Variants in HMCN1 observed in about 807,000 individuals in gnomAD.
HMCN1 encodes hemicentin-1.
Under a neutral mutation model 625.9 loss-of-function variants are expected in HMCN1, and 321 were observed. That is an observed-to-expected ratio of 0.51 (90% CI 0.47 to 0.56). The LOEUF is 0.56. Among genes scored for constraint, HMCN1 ranks in the 20% least tolerant of loss-of-function variants. The pLI, the probability that HMCN1 is intolerant of heterozygous loss-of-function variation, is 0.00. For synonymous variants in HMCN1, 2,425 were observed against 2,417.6 expected (o/e 1.00, Z -0.09); for missense variants, 6,588 against 6,887.3 (o/e 0.96, Z 1.54).
At chr1:186,009,801 G>C (rs1460327232) in intron 30 of HMCN1, among the ~76,000 whole-genome samples, 3 of 152,140 alleles carry the variant, frequency 2.0e-5, no homozygotes, top group Admixed American at 2.0e-4. Context: ...AGATTTACTA[G>C]TAGTTCTGAG....
At chr1:186,053,492 C>G (rs373035718) in intron 43 of HMCN1, among the ~76,000 whole-genome samples, 8 of 151,830 alleles carry the variant, frequency 5.3e-5, no homozygotes, top group East Asian at 1.9e-4. Flanking sequence ...ACTTGTGCCT[C>G]CTGAATATAA....
Position 185,965,829 on chromosome 1 carries a change from G to A in HMCN1, c.2126G>A (p.Ser709Asn), listed in dbSNP as rs886045665. 6.8e-6 allele frequency: 11 copies of A among 1,611,876 alleles called. No individual in the cohort carries two copies. Among genetic ancestry groups the A allele is most frequent in the Non-Finnish European group, 9.3e-6 (11 of 1,178,160 alleles). The change falls in exon 14 of 107, where the codon AGT becomes AAT. Residue 709 changes from serine to asparagine, a missense_variant. Physicochemically the swap from Ser to Asn is conservative, Grantham distance 46 (BLOSUM62 1). This residue lies in a region of HMCN1 where 4,628 missense variants were observed against 4,853.1 expected (regional missense o/e 0.95). Transcript: ENST00000271588. Reference protein sequence around the residue: ...IEAPKLMVVQSELLVALGDIT... With the variant: ...IEAPKLMVVQNELLVALGDIT... Reference sequence around the variant, plus strand: ...GCCCCTAAGTTGATGGTAGTTCAGAGTGAGCTCTTGGTTGCCCTTGGGGAT... The same window carrying A: ...GCCCCTAAGTTGATGGTAGTTCAGAATGAGCTCTTGGTTGCCCTTGGGGAT...
Position 185,911,756 on chromosome 1 carries a change from A to G in HMCN1, c.876A>G (p.Pro292=), listed in dbSNP as rs1386728486. The change falls in exon 6 of 107, where the codon CCA becomes CCG. Residue 292 remains proline (P), a synonymous_variant. Transcript: ENST00000271588. ...CCAAAGTAGTGAATGTGAAAGAGCC[A>G]GAGGCTGGAATGTGGACAGTGAAGG... ...NSAKVVNVKE[P]EAGMWTVKTS... is the part of the protein sequence containing the mutation. The G allele has an allele frequency of 1.9e-6, 3 of 1,612,612 alleles. No homozygotes were observed. The East Asian group carries it at 6.7e-5, about 36-fold the overall frequency.
At chr1:185,905,611 T>C (rs16824719) in intron 4 of HMCN1, among the ~76,000 whole-genome samples, 9,635 of 151,840 alleles carry the variant, frequency 0.063, 1,070 homozygotes, top group African/African-American at 0.22. Flanking sequence ...ATGTAAAAAT[T>C]GACTTCACTT....
In HMCN1 at chr1:185,867,103, G is replaced by A. The variant is rs761496952; in HGVS notation, c.621+1240G>A. 3.3e-5 allele frequency among the ~76,000 whole-genome samples: 5 copies of A among 152,070 alleles called. No homozygotes were observed. In the South Asian group the frequency reaches 8.3e-4, roughly 25 times the overall value. On this transcript the variant is annotated intron_variant, in intron 4 of 106. Coordinates refer to ENST00000271588, the MANE Select transcript of HMCN1 (RefSeq NM_031935.3). ...TAATAGGACATTACAAATTTCTAGAGCAAAGAATCTAGCGAAAAATTTTTT... is the reference window on the plus strand; with the variant it reads ...TAATAGGACATTACAAATTTCTAGAACAAAGAATCTAGCGAAAAATTTTTT...
At chr1:186,072,660 A>T (rs1011172639) in intron 52 of HMCN1, among the ~76,000 whole-genome samples, 4 of 152,218 alleles carry the variant, frequency 2.6e-5, no homozygotes, top group Non-Finnish European at 5.9e-5. Flanking sequence ...ACATTTAAAC[A>T]GAAACCCAAA....
intron 72 of HMCN1, 140 bp from the exon 73 acceptor site, chr1:186,113,839 T>C (rs1298064199): frequency 2.1e-6 from 2 of 953,484 alleles, no homozygotes; most frequent in Non-Finnish European, 3.4e-6. Context: ...AAACCTCAAT[T>C]CTACTTATAC....
At chr1:185,989,722 C>G in intron 21 of HMCN1, 75 bp downstream of exon 21, 1 of 1,385,872 alleles carries the variant, frequency 7.2e-7, no homozygotes, top group Non-Finnish European at 1.0e-6. Flanking sequence ...TTCCCCAATA[C>G]TGTTACCAGA....
chr1:186,089,074 G>A (rs1659694168), intron 63 of HMCN1, among the ~76,000 whole-genome samples: 1 of 151,824 alleles, frequency 6.6e-6, no homozygotes, highest in Admixed American at 6.6e-5. Flanking sequence ...TCATTTTGAT[G>A]GTAAGCCTAT....
At chr1:186,166,963 T>C (rs757220540) in intron 100 of HMCN1, 21 bp downstream of exon 100, 4 of 1,614,054 alleles carry the variant, frequency 2.5e-6, no homozygotes, top group Admixed American at 1.7e-5. Flanking sequence ...GGAGGCCTTT[T>C]CTTTATGTTC....
At chr1:185,886,407 G>T (rs1664653185) in intron 4 of HMCN1, among the ~76,000 whole-genome samples, 2 of 152,038 alleles carry the variant, frequency 1.3e-5, no homozygotes, top group Admixed American at 6.6e-5. Context: ...GAAACTTTAG[G>T]TCCTATGAAA....
chr1:185,970,489 T>A lies in HMCN1; in HGVS notation c.2367T>A (p.Val789=). Residue 789 remains valine (V), a synonymous_variant, in exon 15 of 107, where the codon GTT becomes GTA. Transcript: ENST00000271588. ...CAACTGGCAAGATAACTCTGGATGTTGGCTGTAAGCCTCCAGATCTTATAG... is the reference window on the plus strand; with the variant it reads ...CAACTGGCAAGATAACTCTGGATGTAGGCTGTAAGCCTCCAGATCTTATAG... ...GRATGKITLD[V]GSPPVFIQEP... is the part of the protein sequence containing the mutation. The A allele has an allele frequency of 1.9e-6, 3 of 1,613,526 alleles. No homozygotes were observed. The highest frequency in any genetic ancestry group is 2.5e-6 in the Non-Finnish European group (3 of 1,179,424).
chr1:186,001,503 T>C, intron 27 of HMCN1, 75 bp downstream of exon 27: 1 of 1,596,312 alleles, frequency 6.3e-7, no homozygotes, highest in Non-Finnish European at 8.6e-7. Context: ...GTTCATTTCT[T>C]ACTACTAATA....
rs1652336992 is a variant in HMCN1 at position 185,990,347 on chromosome 1, G to A, written c.3281G>A (p.Gly1094Glu). 1 of 1,613,338 alleles carries A rather than the reference G, an allele frequency of 6.2e-7. No individual in the cohort carries two copies. Among genetic ancestry groups the A allele is most frequent in the African/African-American group, 1.3e-5 (1 of 74,882 alleles). Residue 1094 changes from glycine to glutamate, a missense_variant, in exon 22 of 107, where the codon GGG (glycine) becomes GAG (glutamate). Physicochemically the swap from Gly to Glu is moderately conservative, Grantham distance 98 (BLOSUM62 -2). Around this residue, in one of 3 missense-constraint regions of HMCN1, gnomAD observed 4,628 missense variants for 4,853.1 expected, o/e 0.95. Coordinates refer to ENST00000271588, the MANE Select transcript of HMCN1 (RefSeq NM_031935.3). ...CCTGTTGAGATCTCCGTCCTTGCAG[G>A]GGAAGAGGTAACACTTCCATGTGAA... ...DKPVEISVLAGEEVTLPCEVK... is the reference protein window; with the variant it reads ...DKPVEISVLAEEEVTLPCEVK...
At chr1:186,053,314 T>C (rs999651102) in intron 43 of HMCN1, among the ~76,000 whole-genome samples, 7 of 152,010 alleles carry the variant, frequency 4.6e-5, no homozygotes, top group Non-Finnish European at 8.8e-5. Context: ...TCTGCATTAA[T>C]TGATTATTTT....
rs1491400415 is a variant in HMCN1 at position 186,063,066 on chromosome 1, G to GAATATATATA, written c.7513+466_7513+467insAATATATATA. ...TGTGTGTGTGTGTGTGTGTGTGTGT[G>GAATATATATA]CATATATATATATATATATATATAT... On this transcript the variant is annotated intron_variant, in intron 48 of 106. Transcript: ENST00000271588. Among the ~76,000 whole-genome samples the GAATATATATA allele has an allele frequency of 3.0e-4, 9 of 29,940 alleles. No homozygotes were observed. The East Asian group carries it at 3.3e-3, about 11-fold the overall frequency. The allele number at this position is 29,940 out of a possible 152,430, so 19.6% of individuals were successfully genotyped here.
intron 1 of HMCN1, among the ~76,000 whole-genome samples, chr1:185,784,195 A>T (rs1352229415): frequency 6.6e-6 from 1 of 152,180 alleles, no homozygotes; most frequent in East Asian, 1.9e-4. Context: ...TGCTAAGACC[A>T]TTGGAAAAGC....
chr1:186,103,373 C>G (rs1313260957), intron 68 of HMCN1, 99 bp from the exon 69 acceptor site: 1 of 932,706 alleles, frequency 1.1e-6, no homozygotes, highest in African/African-American at 1.6e-5. Context: ...CAATTTTTAT[C>G]ATGTGAATGT....
intron 2 of HMCN1, among the ~76,000 whole-genome samples, chr1:185,848,479 G>A (rs796438994): frequency 4.6e-5 from 7 of 152,058 alleles, no homozygotes; most frequent in African/African-American, 1.4e-4. Flanking sequence ...GTTCCTCAAG[G>A]TTTTGAAACT....
Sources: gnomAD v4.1 joint callset for allele counts (sites outside exome capture counted in the v4.1 genomes callset) on GRCh38, gnomAD v4.1.1 for gene constraint, gnomAD v4.1.1 regional missense constraint, MANE v1.5 for transcripts, NCBI Gene and HGNC (gene_info 2026-07-23, HGNC 2026-07-21) for gene names.